Variants in AUTS2 observed in about 807,000 individuals in gnomAD.
AUTS2 encodes autism susceptibility gene 2 protein.
Under a neutral mutation model 112.4 loss-of-function variants are expected in AUTS2, and 17 were observed. The observed-to-expected ratio is 0.15, with a 90% confidence interval of 0.10 to 0.23. AUTS2 has a LOEUF of 0.23. Ranked by LOEUF, AUTS2 falls within the 10% of genes least tolerant of loss-of-function variation. The pLI, the probability that AUTS2 is intolerant of heterozygous loss-of-function variation, is 1.00. For missense variants in AUTS2, 1,510 were observed against 1,701.6 expected (o/e 0.89, Z 1.98); for synonymous variants, 751 against 702.7 (o/e 1.07, Z -1.09).
At chr7:70,524,585 G>A (rs533193303) in intron 5 of AUTS2, among the ~76,000 whole-genome samples, 3 of 152,296 alleles carry the variant, frequency 2.0e-5, no homozygotes, top group Admixed American at 1.3e-4. Flanking sequence ...AGGACTGTTC[G>A]AACAAAAGGC....
chr7:69,778,511 A>C (rs536867403), intron 1 of AUTS2, among the ~76,000 whole-genome samples: 43 of 152,248 alleles, frequency 2.8e-4, no homozygotes, highest in African/African-American at 9.9e-4. Context: ...TGTAATGTGC[A>C]GTAAGGTTTG....
chr7:69,737,118 A>G (rs757273202), intron 1 of AUTS2, among the ~76,000 whole-genome samples: 28 of 152,034 alleles, frequency 1.8e-4, no homozygotes, highest in Non-Finnish European at 3.5e-4. Context: ...TACCCCTCTC[A>G]GTTTTTCCAT....
chr7:70,257,361 T>A (rs1786931474), intron 4 of AUTS2, among the ~76,000 whole-genome samples: 1 of 152,138 alleles, frequency 6.6e-6, no homozygotes, highest in African/African-American at 2.4e-5. Context: ...TCTGTCCCCC[T>A]GGCTGGAGTG....
At chr7:70,263,176 A>G (rs1003530057) in intron 4 of AUTS2, among the ~76,000 whole-genome samples, 2 of 151,962 alleles carry the variant, frequency 1.3e-5, no homozygotes, top group African/African-American at 2.4e-5. Context: ...ACGATTGTCT[A>G]TCAGTTAAAG....
intron 5 of AUTS2, among the ~76,000 whole-genome samples, chr7:70,491,233 A>C (rs564597764): frequency 4.6e-4 from 70 of 151,888 alleles, no homozygotes; most frequent in African/African-American, 1.6e-3. Flanking sequence ...CTCTCTCTCT[A>C]TCTCTGTCTT....
chr7:69,998,841 G>A (rs1487981392), intron 2 of AUTS2, among the ~76,000 whole-genome samples: 1 of 152,100 alleles, frequency 6.6e-6, no homozygotes, highest in African/African-American at 2.4e-5. Flanking sequence ...TTTTAATAAG[G>A]TGGTTAGGGT....
At chr7:69,858,520 C>T (rs553579442) in intron 1 of AUTS2, among the ~76,000 whole-genome samples, 4 of 152,306 alleles carry the variant, frequency 2.6e-5, no homozygotes, top group African/African-American at 9.6e-5. Flanking sequence ...TTCTGTGAAA[C>T]TCCAAGGTGA....
In AUTS2 at chr7:70,791,417, G is replaced by T; in HGVS notation, c.*421G>T. On this transcript the variant is annotated 3_prime_UTR_variant, in exon 19 of 19. Coordinates refer to ENST00000342771, the MANE Select transcript of AUTS2 (RefSeq NM_015570.4). ...AAAAGAGATTGCTTCATGAGCTAAT[G>T]GTTCATATATGCAAAAGGGTAAGAT... 1 of 161,922 alleles carries T rather than the reference G, an allele frequency of 6.2e-6. No individual in the cohort carries two copies. The highest frequency in any genetic ancestry group is 1.3e-5 in the Non-Finnish European group (1 of 74,782). 10.0% of individuals were successfully genotyped at this position (161,922 alleles called of 1,614,324 possible).
chr7:70,577,181 C>A (rs763029775), intron 5 of AUTS2, among the ~76,000 whole-genome samples: 10 of 152,178 alleles, frequency 6.6e-5, no homozygotes, highest in African/African-American at 1.2e-4. Flanking sequence ...AATAATTGAG[C>A]CTTTTTTGAA....
At chr7:70,241,589 C>T (rs1812616279) in intron 4 of AUTS2, among the ~76,000 whole-genome samples, 1 of 152,138 alleles carries the variant, frequency 6.6e-6, no homozygotes, top group African/African-American at 2.4e-5. Context: ...TCCCTAGCCC[C>T]TGTGGGACCC....
At chr7:70,031,224 C>T (rs1800764269) in intron 2 of AUTS2, among the ~76,000 whole-genome samples, 2 of 152,052 alleles carry the variant, frequency 1.3e-5, no homozygotes, top group South Asian at 4.1e-4. Context: ...TTGGATTAGA[C>T]AATGTTAATT....
intron 4 of AUTS2, among the ~76,000 whole-genome samples, chr7:70,192,247 AAGAC>A (rs1459788425): frequency 3.9e-5 from 6 of 152,162 alleles, no homozygotes; most frequent in Non-Finnish European, 7.4e-5. Context: ...TTCCCTTAGA[AAGAC>A]AGTCTCTTTT....
intron 1 of AUTS2, among the ~76,000 whole-genome samples, chr7:69,691,422 C>A (rs1311079473): frequency 6.6e-6 from 1 of 152,104 alleles, no homozygotes; most frequent in Non-Finnish European, 1.5e-5. Context: ...TCAGCACCCA[C>A]CCCCATCCTC....
Position 70,646,914 on chromosome 7 carries a change from G to A in AUTS2, c.691-51655G>A, listed in dbSNP as rs114609693. Among the ~76,000 whole-genome samples, 816 of 152,328 alleles carry A rather than the reference G, an allele frequency of 5.4e-3. 8 individuals carry two copies. The highest frequency in any genetic ancestry group is 0.019 in the African/African-American group (773 of 41,582). Reference sequence around the variant, plus strand: ...TTCCCTACCTTTGCCCATTTTGGATGCTGTTCTGCTCTGGCCTTGCTGCTC... The same window carrying A: ...TTCCCTACCTTTGCCCATTTTGGATACTGTTCTGCTCTGGCCTTGCTGCTC... On this transcript the variant is annotated intron_variant, in intron 5 of 18. Coordinates refer to ENST00000342771, the MANE Select transcript of AUTS2 (RefSeq NM_015570.4).
chr7:69,899,595 C>A, intron 2 of AUTS2, 97 bp downstream of exon 2: 1 of 1,162,054 alleles, frequency 8.6e-7, no homozygotes, highest in Non-Finnish European at 1.2e-6. Context: ...GAGAAGATAT[C>A]CTTGGTGGGA....
At chr7:70,270,966 C>T (rs554839958) in intron 4 of AUTS2, among the ~76,000 whole-genome samples, 16 of 152,090 alleles carry the variant, frequency 1.1e-4, no homozygotes, top group Non-Finnish European at 2.2e-4. Context: ...GCGGGCAAGC[C>T]TCGTGCTTGC....
intron 4 of AUTS2, among the ~76,000 whole-genome samples, chr7:70,147,244 T>C (rs1162738409): frequency 6.6e-6 from 1 of 151,788 alleles, no homozygotes; most frequent in African/African-American, 2.4e-5. Flanking sequence ...AGTAAAATCA[T>C]GACTCTCATA....
chr7:69,971,819 C>A (rs1459721542), intron 2 of AUTS2, among the ~76,000 whole-genome samples: 2 of 152,060 alleles, frequency 1.3e-5, no homozygotes, highest in African/African-American at 4.8e-5. Flanking sequence ...TATGGGTGTA[C>A]CATAGTTTAT....
chr7:69,795,034 A>T (rs755648713), intron 1 of AUTS2, among the ~76,000 whole-genome samples: 13 of 151,994 alleles, frequency 8.6e-5, no homozygotes, highest in Non-Finnish European at 1.5e-4. Context: ...TTTAAATCTC[A>T]TTTTCCTTCA....
Sources: gnomAD v4.1 joint callset for allele counts (sites outside exome capture counted in the v4.1 genomes callset) on GRCh38, gnomAD v4.1.1 for gene constraint, MANE v1.5 for transcripts, NCBI Gene and HGNC (gene_info 2026-07-23, HGNC 2026-07-21) for gene names.